CNMD: variants seen among roughly 807,000 people sequenced by gnomAD.
The protein encoded by CNMD is chondromodulin.
In CNMD, 30 loss-of-function variants were observed where a neutral mutation model predicts 37.5. That is an observed-to-expected ratio of 0.80 (90% CI 0.60 to 1.09). The LOEUF is 1.09. Among genes scored for constraint, CNMD ranks in the 50% least tolerant of loss-of-function variants. The pLI, the probability that CNMD is intolerant of heterozygous loss-of-function variation, is 0.00. For synonymous variants in CNMD, 167 were observed against 148.2 expected (o/e 1.13, Z -0.92); for missense variants, 398 against 423.9 (o/e 0.94, Z 0.54).
chr13:52,715,242 T>C (rs1235154922), intron 4 of CNMD, among the ~76,000 whole-genome samples: 1 of 152,156 alleles, frequency 6.6e-6, no homozygotes, highest in African/African-American at 2.4e-5. Flanking sequence ...TTTTCTATTT[T>C]TTATTCTTTA....
At chr13:52,721,998 A>G (rs1331292280) in intron 4 of CNMD, among the ~76,000 whole-genome samples, 3 of 152,160 alleles carry the variant, frequency 2.0e-5, no homozygotes, top group African/African-American at 7.2e-5. Flanking sequence ...GGATATGACT[A>G]TAAAAAATGG....
At chr13:52,719,365 C>A (rs1964442803) in intron 4 of CNMD, among the ~76,000 whole-genome samples, 1 of 152,204 alleles carries the variant, frequency 6.6e-6, no homozygotes, top group South Asian at 2.1e-4. Flanking sequence ...TTGATCCTAT[C>A]ATTCTGATGC....
Position 52,739,524 on chromosome 13 carries a change from C to T in CNMD, c.72+106G>A. ...ACACATTTGGGACCCAAATTTATCCCCCCGCCAACACACCCATTCGGTGGC... is the reference window on the plus strand; with the variant it reads ...ACACATTTGGGACCCAAATTTATCCTCCCGCCAACACACCCATTCGGTGGC... On this transcript the variant is annotated intron_variant, in intron 1 of 6. Coordinates refer to ENST00000377962, the MANE Select transcript of CNMD (RefSeq NM_007015.3). The surrounding 1 kb of genome is among the most constrained non-coding windows in gnomAD (Gnocchi z 5.4). 1 of 1,048,990 alleles carries T rather than the reference C, an allele frequency of 9.5e-7. No homozygotes were observed. Among genetic ancestry groups the T allele is most frequent in the East Asian group, 2.4e-5 (1 of 41,476 alleles). 65.0% of individuals were successfully genotyped at this position (1,048,990 alleles called of 1,614,324 possible).
intron 5 of CNMD, among the ~76,000 whole-genome samples, chr13:52,709,631 T>A (rs1190906920): frequency 2.6e-5 from 4 of 152,144 alleles, no homozygotes; most frequent in African/African-American, 9.7e-5. Context: ...GGCTCTAGTT[T>A]ACCACATAGC....
At chr13:52,715,369 T>A (rs1374382725) in intron 4 of CNMD, among the ~76,000 whole-genome samples, 1 of 152,208 alleles carries the variant, frequency 6.6e-6, no homozygotes, top group Non-Finnish European at 1.5e-5. Flanking sequence ...TTTTAAATTA[T>A]ACTTTAAATT....
chr13:52,736,456 C>A (rs958004170), intron 2 of CNMD, among the ~76,000 whole-genome samples: 4 of 152,286 alleles, frequency 2.6e-5, no homozygotes, highest in Admixed American at 2.0e-4. Context: ...GTGCACTGCA[C>A]CATCTGCATG....
At chr13:52,721,736 C>T (rs1019776653) in intron 4 of CNMD, among the ~76,000 whole-genome samples, 21 of 152,192 alleles carry the variant, frequency 1.4e-4, no homozygotes, top group Admixed American at 5.2e-4. Flanking sequence ...TGTTCCTATT[C>T]GGCCATCTCT....
At chr13:52,732,666 A>C (rs1036694042) in intron 3 of CNMD, among the ~76,000 whole-genome samples, 1 of 152,224 alleles carries the variant, frequency 6.6e-6, no homozygotes, top group African/African-American at 2.4e-5. Context: ...TTAGGTCATT[A>C]AAATTTCCCT....
intron 4 of CNMD, among the ~76,000 whole-genome samples, chr13:52,721,432 A>G (rs1477830059): frequency 2.6e-5 from 4 of 152,220 alleles, no homozygotes; most frequent in Non-Finnish European, 1.5e-5. Context: ...TAGGCACCCA[A>G]GGGAATCTCC....
At chr13:52,706,104 G>A (rs994321003) in intron 6 of CNMD, among the ~76,000 whole-genome samples, 3 of 152,160 alleles carry the variant, frequency 2.0e-5, no homozygotes, top group South Asian at 2.1e-4. Context: ...ATAGAAAAAC[G>A]TGCAAATGAC....
At chr13:52,738,660 G>C (rs1337195422) in intron 2 of CNMD, among the ~76,000 whole-genome samples, 1 of 152,118 alleles carries the variant, frequency 6.6e-6, no homozygotes, top group Non-Finnish European at 1.5e-5. Context: ...GCAGGGACAG[G>C]CCTTAGAGAT....
Position 52,703,574 on chromosome 13 carries a change from C to T in CNMD, c.*21G>A. The T allele has an allele frequency of 6.5e-7, 1 of 1,542,572 alleles. No individual in the cohort carries two copies. Among genetic ancestry groups the T allele is most frequent in the Non-Finnish European group, 8.9e-7 (1 of 1,117,432 alleles). On this transcript the variant is annotated 3_prime_UTR_variant, in exon 7 of 7. Transcript: ENST00000377962. Reference sequence around the variant, plus strand: ...TCTTCAGCTAGTTCTTATTTTACAGCACATGATATATGAAGTGATTTCACA... The same window carrying T: ...TCTTCAGCTAGTTCTTATTTTACAGTACATGATATATGAAGTGATTTCACA...
chr13:52,731,052 G>A (rs1445397115), intron 3 of CNMD, among the ~76,000 whole-genome samples: 1 of 152,120 alleles, frequency 6.6e-6, no homozygotes, highest in Non-Finnish European at 1.5e-5. Flanking sequence ...GCACATTCAT[G>A]TTCACTATTT....
intron 4 of CNMD, among the ~76,000 whole-genome samples, chr13:52,719,394 G>A (rs149125834): frequency 0.026 from 3,998 of 152,144 alleles, 130 homozygotes; most frequent in African/African-American, 0.091. Flanking sequence ...TATTTTGCCC[G>A]TTAGTTGATG....
At chr13:52,707,405 A>G (rs1288062027) in intron 6 of CNMD, among the ~76,000 whole-genome samples, 1 of 109,194 alleles carries the variant, frequency 9.2e-6, no homozygotes, top group Non-Finnish European at 2.2e-5. Context: ...CCCTGAGGGC[A>G]GATGACACCT....
chr13:52,712,541 A>G (rs2138229091), intron 5 of CNMD, among the ~76,000 whole-genome samples, 175 bp downstream of exon 5: 1 of 151,986 alleles, frequency 6.6e-6, no homozygotes, highest in Non-Finnish European at 1.5e-5. Flanking sequence ...TTCAATAGTC[A>G]CGGGCTGTCA....
intron 6 of CNMD, among the ~76,000 whole-genome samples, chr13:52,705,343 C>T (rs1485326667): frequency 6.6e-6 from 1 of 152,142 alleles, no homozygotes; most frequent in Non-Finnish European, 1.5e-5. Context: ...CCTAAATTTA[C>T]AACCAGATTG....
chr13:52,730,349 G>A (rs999291671), intron 3 of CNMD, among the ~76,000 whole-genome samples: 2 of 152,098 alleles, frequency 1.3e-5, no homozygotes, highest in Admixed American at 6.5e-5. Context: ...GTAATGGGAT[G>A]GCTGGGTCAA....
chr13:52,709,487 T>G (rs1159858647), intron 5 of CNMD, among the ~76,000 whole-genome samples: 3 of 152,248 alleles, frequency 2.0e-5, no homozygotes, highest in Non-Finnish European at 2.9e-5. Context: ...CTTGGTTTAT[T>G]CTTTTTAAAA....
Sources: gnomAD v4.1 joint callset for allele counts (sites outside exome capture counted in the v4.1 genomes callset) on GRCh38, gnomAD v4.1.1 for gene constraint, Gnocchi (gnomAD v3.1) non-coding constraint, MANE v1.5 for transcripts, NCBI Gene and HGNC (gene_info 2026-07-23, HGNC 2026-07-21) for gene names.